TECPR2: variants seen among roughly 807,000 people sequenced by gnomAD.
The protein encoded by TECPR2 is tectonin beta-propeller repeat-containing protein 2.
A neutral mutation model predicts 138.1 loss-of-function variants in TECPR2; 65 were observed. The observed-to-expected ratio is 0.47, with a 90% CI of 0.39 to 0.58. The LOEUF (loss-of-function observed/expected upper bound fraction) is 0.58. Ranked by LOEUF, TECPR2 falls within the 20% of genes least tolerant of loss-of-function variation. The pLI is 0.00. For synonymous variants in TECPR2, 746 were observed against 749.8 expected (o/e 0.99, Z 0.08); for missense variants, 1,553 against 1,824.5 (o/e 0.85, Z 2.71).
chr14:102,426,162 A>G (rs1889315466), intron 6 of TECPR2, among the ~76,000 whole-genome samples: 1 of 151,264 alleles, frequency 6.6e-6, no homozygotes, highest in Non-Finnish European at 1.5e-5. Flanking sequence ...CTGGGGTTAC[A>G]GGCGTGAACC....
intron 1 of TECPR2, among the ~76,000 whole-genome samples, chr14:102,369,975 A>G (rs1475082440): frequency 6.6e-6 from 1 of 151,692 alleles, no homozygotes; most frequent in Non-Finnish European, 1.5e-5. Flanking sequence ...ATAAACAAAC[A>G]AGCAAACAAA....
intron 17 of TECPR2, among the ~76,000 whole-genome samples, chr14:102,472,538 T>C (rs951987904): frequency 6.6e-6 from 1 of 152,202 alleles, no homozygotes; most frequent in African/African-American, 2.4e-5. Flanking sequence ...TAGAGCCACA[T>C]TTTCTCATTG....
chr14:102,445,902 CA>C lies in TECPR2; in HGVS notation c.3031del (p.Ile1011LeufsTer16), dbSNP rs1167476286. On this transcript the variant is annotated frameshift_variant, in exon 13 of 20. Transcript: ENST00000359520. LOFTEE classifies it high-confidence loss of function. Reference sequence around the variant, plus strand: ...ATGGGAACCTGTGGTTCAGAACTGGCATTATTTCCAAGAAGCCCCAAGGAGA... The same window carrying C: ...ATGGGAACCTGTGGTTCAGAACTGGCTTATTTCCAAGAAGCCCCAAGGAGA... ...IHGNLWFRTG[I>X]ISKKPQGDDD... The C allele has an allele frequency of 6.2e-7, 1 of 1,613,948 alleles. No individual in the cohort carries two copies. The highest frequency in any genetic ancestry group is 8.5e-7 in the Non-Finnish European group (1 of 1,180,006).
intron 6 of TECPR2, 138 bp downstream of exon 6, chr14:102,425,429 C>T (rs1036588630): frequency 1.5e-5 from 14 of 920,640 alleles, no homozygotes; most frequent in Middle Eastern, 3.4e-4. Flanking sequence ...TTGGGCCAGT[C>T]AAGGAAATCA....
At position 102,396,070 on chromosome 14, in the gene TECPR2, G is replaced by A. The variant is rs934438659; in HGVS notation, c.220-11268G>A. Among the ~76,000 whole-genome samples the A allele has an allele frequency of 2.6e-5, 4 of 151,668 alleles. No individual in the cohort carries two copies. In the South Asian group the frequency reaches 6.2e-4, roughly 24 times the overall value. ...TCTTGGTTTTTGAGCAGGTGTTGGG[G>A]GAAATACCTTTCTTGTTGAAGTTCT... On this transcript the variant is annotated intron_variant, in intron 2 of 19. Transcript: ENST00000359520.
intron 17 of TECPR2, among the ~76,000 whole-genome samples, chr14:102,483,482 C>T (rs1890942668): frequency 6.6e-6 from 1 of 151,978 alleles, no homozygotes; most frequent in African/African-American, 2.4e-5. Context: ...CACTCTGTCA[C>T]CCAGGCTGGA....
At chr14:102,380,902 T>G (rs555757046) in intron 2 of TECPR2, among the ~76,000 whole-genome samples, 1 of 151,386 alleles carries the variant, frequency 6.6e-6, no homozygotes, top group East Asian at 1.9e-4. Context: ...ATGGTCTCGA[T>G]CTCCTGACCT....
intron 2 of TECPR2, among the ~76,000 whole-genome samples, chr14:102,400,113 T>C (rs569575955): frequency 6.6e-6 from 1 of 151,734 alleles, no homozygotes; most frequent in East Asian, 1.9e-4. Flanking sequence ...TGGTGTGATA[T>C]GGGCTCACTG....
chr14:102,438,247 CGCCGCT>C (rs1567342089), intron 10 of TECPR2, 42 bp downstream of exon 10: 2 of 1,570,044 alleles, frequency 1.3e-6, no homozygotes, highest in South Asian at 1.2e-5. Context: ...TGCTCCCGCT[CGCCGCT>C]CCTGCTCCCC....
At chr14:102,418,784 C>T (rs1238421401) in intron 5 of TECPR2, among the ~76,000 whole-genome samples, 1 of 152,136 alleles carries the variant, frequency 6.6e-6, no homozygotes, top group East Asian at 1.9e-4. Context: ...CAGGATGGGG[C>T]GGGGTTGGTG....
intron 16 of TECPR2, among the ~76,000 whole-genome samples, chr14:102,457,983 C>G (rs1402140906): frequency 1.3e-5 from 2 of 150,014 alleles, no homozygotes; most frequent in Non-Finnish European, 3.0e-5. Context: ...AAGCGATTCT[C>G]CTGCCTCAGT....
At position 102,414,681 on chromosome 14, in the gene TECPR2, G is replaced by T. The variant is rs1888972992; in HGVS notation, c.526G>T (p.Val176Leu). ...GGTGTTGGAGGAGCCATCTTCCATT[G>T]TGCAGCTGGATTATAGCCAGAAAGT... ...QLVLEEPSSI[V>L]QLDYSQKVLL... The change falls in exon 5 of 20, where the codon GTG (valine) becomes TTG (leucine). Residue 176 changes from valine to leucine, a missense_variant. Coordinates refer to ENST00000359520, the MANE Select transcript of TECPR2 (RefSeq NM_014844.5). 4.3e-6 allele frequency: 7 copies of T among 1,614,210 alleles called. No homozygotes were observed. Among genetic ancestry groups the T allele is most frequent in the Non-Finnish European group, 5.9e-6 (7 of 1,180,042 alleles).
chr14:102,465,284 G>A lies in TECPR2; in HGVS notation c.3784G>A (p.Val1262Ile), dbSNP rs2139771757. The stretch of plus-strand genomic sequence containing the variant: ...AGCCTGGATAATGATTGAGCCACCT[G>A]TCCAGGTAAGCAGAAGTTAGCTGGT... ...LPAWIMIEPP[V>I]QPAGVSLVSV... Residue 1262 changes from valine (V) to isoleucine (I), a missense_variant, in exon 17 of 20, where the codon GTC becomes ATC. Coordinates refer to ENST00000359520, the MANE Select transcript of TECPR2 (RefSeq NM_014844.5). 5 of 1,613,544 alleles carry A rather than the reference G, an allele frequency of 3.1e-6. No homozygotes were observed. Among genetic ancestry groups the A allele is most frequent in the Non-Finnish European group, 4.2e-6 (5 of 1,179,740 alleles).
In TECPR2 at chr14:102,440,586, G is replaced by C; in HGVS notation, c.2729G>C (p.Ser910Thr). Reference protein sequence around the residue: ...SDDTAWIIRTSGDLYLQTGLS... With the variant: ...SDDTAWIIRTTGDLYLQTGLS... ...GACACGGCCTGGATCATCAGGACCA[G>C]TGGGGACCTATACTTGCAGACAGGT... Residue 910 changes from serine to threonine, a missense_variant, in exon 11 of 20, where the codon AGT (serine) becomes ACT (threonine). Ser to Thr is a moderately conservative substitution (Grantham distance 58). Transcript: ENST00000359520. 6.2e-7 allele frequency: 1 copy of C among 1,614,104 alleles called. No homozygotes were observed. Among genetic ancestry groups the C allele is most frequent in the South Asian group, 1.1e-5 (1 of 91,076 alleles).
chr14:102,392,010 C>G (rs1198752372), intron 2 of TECPR2, among the ~76,000 whole-genome samples: 2 of 152,038 alleles, frequency 1.3e-5, no homozygotes, highest in Non-Finnish European at 2.9e-5. Context: ...TTGTTTTAGA[C>G]AGAGTTTCAC....
rs775341918 is a variant in TECPR2, at chr14:102,497,070, C to T, written c.3881C>T (p.Thr1294Ile). Residue 1294 changes from threonine (T) to isoleucine (I), a missense_variant, in exon 18 of 20, where the codon ACC becomes ATC. By Grantham distance (89) the Thr-to-Ile change is moderately conservative. Coordinates refer to ENST00000359520, the MANE Select transcript of TECPR2 (RefSeq NM_014844.5). ...AGCAGGTGGAACGTGCACGTGCGGA[C>T]CGGGATCACCGAGGAGATGCCTGTG... ...LDSRWNVHVR[T>I]GITEEMPVGT... The T allele has an allele frequency of 2.3e-5, 37 of 1,613,430 alleles. No individual in the cohort carries two copies. The highest frequency in any genetic ancestry group is 3.1e-5 in the Non-Finnish European group (36 of 1,180,036).
At chr14:102,404,646 G>A (rs1042757803) in intron 2 of TECPR2, among the ~76,000 whole-genome samples, 3 of 150,728 alleles carry the variant, frequency 2.0e-5, no homozygotes, top group South Asian at 4.2e-4. Flanking sequence ...GCGTGATCTC[G>A]GCTCACTGCA....
At chr14:102,375,193 A>G (rs1597764165) in intron 1 of TECPR2, among the ~76,000 whole-genome samples, 1 of 152,026 alleles carries the variant, frequency 6.6e-6, no homozygotes, top group African/African-American at 2.4e-5. Flanking sequence ...AAATAATTTA[A>G]AAATTAGCCA....
chr14:102,417,473 C>T (rs923523275), intron 5 of TECPR2, among the ~76,000 whole-genome samples: 18 of 152,074 alleles, frequency 1.2e-4, no homozygotes, highest in African/African-American at 2.9e-4. Context: ...TGTAAAGGAG[C>T]GGGCTAGGTG....
Sources: gnomAD v4.1 joint callset for allele counts (sites outside exome capture counted in the v4.1 genomes callset) on GRCh38, gnomAD v4.1.1 for gene constraint, MANE v1.5 for transcripts, NCBI Gene and HGNC (gene_info 2026-07-23, HGNC 2026-07-21) for gene names.